MARK1: variants seen among roughly 807,000 people sequenced by gnomAD.
The protein encoded by MARK1 is serine/threonine-protein kinase MARK1.
MARK1 carries 40 observed loss-of-function variants against 96.3 expected under a neutral mutation model. That is an observed-to-expected ratio of 0.42 (90% CI 0.32 to 0.54). The LOEUF is 0.54. Among genes scored for constraint, MARK1 ranks in the 20% least tolerant of loss-of-function variants. The pLI, the probability that MARK1 is intolerant of heterozygous loss-of-function variation, is 0.16. For synonymous variants in MARK1, 317 were observed against 341.2 expected, an observed-to-expected ratio of 0.93 and a Z score of 0.78; for missense variants, 719 against 984.6, an observed-to-expected ratio of 0.73 and a Z score of 3.61.
At chr1:220,546,689 T>C (rs12408540) in intron 1 of MARK1, among the ~76,000 whole-genome samples, 38,935 of 152,158 alleles carry the variant, frequency 0.26, 5,743 homozygotes, top group East Asian at 0.46. Context: ...AAGCAACTAA[T>C]TGGCTGGGTG....
chr1:220,627,417 A>G, intron 9 of MARK1: 1 of 478,770 alleles, frequency 2.1e-6, no homozygotes, highest in Non-Finnish European at 4.3e-6. Context: ...CCAGAAGCCA[A>G]AGGGGTCAAG....
chr1:220,649,983 C>A (rs1211933827), intron 13 of MARK1, among the ~76,000 whole-genome samples: 1 of 152,124 alleles, frequency 6.6e-6, no homozygotes, highest in African/African-American at 2.4e-5. Context: ...ACCTGCCTAT[C>A]CCTTTTTGCT....
chr1:220,547,725 C>G (rs181688839), intron 1 of MARK1, among the ~76,000 whole-genome samples: 4 of 152,148 alleles, frequency 2.6e-5, no homozygotes, highest in African/African-American at 9.7e-5. Context: ...CCACCACACC[C>G]GGCTACATTT....
intron 2 of MARK1, among the ~76,000 whole-genome samples, chr1:220,580,202 G>T (rs894996173): frequency 1.3e-5 from 2 of 151,700 alleles, no homozygotes; most frequent in Non-Finnish European, 2.9e-5. Context: ...TCTCAATCAG[G>T]CCCAATGCAG....
intron 3 of MARK1, among the ~76,000 whole-genome samples, chr1:220,589,523 C>T (rs777569627): frequency 2.2e-4 from 33 of 152,288 alleles, no homozygotes; most frequent in Non-Finnish European, 4.4e-4. Flanking sequence ...TTGTTTACTA[C>T]TTTAGTTATC....
intron 13 of MARK1, among the ~76,000 whole-genome samples, chr1:220,649,919 G>T (rs963516289): frequency 1.5e-4 from 23 of 152,142 alleles, no homozygotes; most frequent in African/African-American, 5.5e-4. Flanking sequence ...CAAGGATTTG[G>T]CAGGCACAAC....
chr1:220,612,976 A>G (rs898952733), intron 6 of MARK1, among the ~76,000 whole-genome samples: 1 of 152,196 alleles, frequency 6.6e-6, no homozygotes, highest in Non-Finnish European at 1.5e-5. Flanking sequence ...TCTACCACTT[A>G]TAAGTATTAA....
chr1:220,531,183 A>G, intron 1 of MARK1, among the ~76,000 whole-genome samples: 1 of 152,188 alleles, frequency 6.6e-6, no homozygotes, highest in East Asian at 1.9e-4. Flanking sequence ...AGTAAATGGC[A>G]TCATCCATTT....
At position 220,626,625 on chromosome 1, in the gene MARK1, C is replaced by T. The variant is rs1384799228; in HGVS notation, c.910-4410C>T. 3 of 358,502 alleles carry T rather than the reference C, an allele frequency of 8.4e-6. No individual in the cohort carries two copies. The East Asian group carries it at 2.1e-4, about 25-fold the overall frequency. 22.2% of individuals were successfully genotyped at this position (358,502 alleles called of 1,614,324 possible). On this transcript the variant is annotated intron_variant, in intron 9 of 17. Coordinates refer to ENST00000366917, the MANE Select transcript of MARK1 (RefSeq NM_018650.5). ...TCACTTGAGGTCAGAAGTTTGACAC[C>T]AGCCTGGCCAACATGGTGAAACCCC...
intron 4 of MARK1, among the ~76,000 whole-genome samples, chr1:220,599,570 AAACTT>A (rs1462128092): frequency 6.6e-6 from 1 of 152,068 alleles, no homozygotes; most frequent in African/African-American, 2.4e-5. Flanking sequence ...TTAATCCTAG[AAACTT>A]AACTTTTTCA....
chr1:220,550,568 G>A (rs1661791700), intron 1 of MARK1, among the ~76,000 whole-genome samples: 1 of 152,174 alleles, frequency 6.6e-6, no homozygotes, highest in African/African-American at 2.4e-5. Context: ...CCCCAGGCTG[G>A]TATCAAACTC....
At chr1:220,635,035 G>T (rs1171322802) in intron 11 of MARK1, among the ~76,000 whole-genome samples, 1 of 152,118 alleles carries the variant, frequency 6.6e-6, no homozygotes, top group East Asian at 1.9e-4. Context: ...TTGTTGTGAT[G>T]ATTAAATAAA....
chr1:220,533,953 C>G (rs1036717309), intron 1 of MARK1, among the ~76,000 whole-genome samples: 1 of 151,844 alleles, frequency 6.6e-6, no homozygotes, highest in African/African-American at 2.4e-5. Context: ...CTATAGTTAC[C>G]ATATATGTTT....
intron 1 of MARK1, among the ~76,000 whole-genome samples, chr1:220,547,276 G>C (rs1414688117): frequency 6.6e-6 from 1 of 152,162 alleles, no homozygotes; most frequent in Non-Finnish European, 1.5e-5. Context: ...GTATTTACTA[G>C]TAGCCACTGT....
intron 1 of MARK1, among the ~76,000 whole-genome samples, chr1:220,556,898 T>A (rs1375848276): frequency 6.6e-6 from 1 of 152,082 alleles, no homozygotes; most frequent in Non-Finnish European, 1.5e-5. Context: ...AAAGACTGGT[T>A]AATAAATATG....
intron 1 of MARK1, among the ~76,000 whole-genome samples, chr1:220,566,278 A>G (rs1663052216): frequency 6.6e-6 from 1 of 152,180 alleles, no homozygotes; most frequent in Non-Finnish European, 1.5e-5. Flanking sequence ...AGTAGAAGCT[A>G]GGACAAAATG....
chr1:220,589,323 A>G (rs1664838099), intron 3 of MARK1, among the ~76,000 whole-genome samples: 1 of 152,180 alleles, frequency 6.6e-6, no homozygotes, highest in Non-Finnish European at 1.5e-5. Flanking sequence ...CTTTTTCATC[A>G]TCACAAAAAG....
Position 220,635,988 on chromosome 1 carries a change from G to T in MARK1, c.1432G>T (p.Val478Leu), listed in dbSNP as rs761372469. Residue 478 changes from valine to leucine, a missense_variant, in exon 13 of 18, where the codon GTA (valine) becomes TTA (leucine). Val to Leu is a conservative substitution (Grantham distance 32). Coordinates refer to ENST00000366917, the MANE Select transcript of MARK1 (RefSeq NM_018650.5). ...AAGCGAGATGACTGCAAGCCCTCTT[G>T]TAGGGCCAGAGAGGAAAAAATCTTC... ...SKSEMTASPL[V>L]GPERKKSSTI... 6.2e-7 allele frequency: 1 copy of T among 1,613,444 alleles called. No homozygotes were observed. Among genetic ancestry groups the T allele is most frequent in the Non-Finnish European group, 8.5e-7 (1 of 1,179,846 alleles).
intron 3 of MARK1, among the ~76,000 whole-genome samples, chr1:220,590,913 C>T (rs907612769): frequency 9.2e-5 from 14 of 152,060 alleles, no homozygotes; most frequent in African/African-American, 3.4e-4. Context: ...ATATAGGAAC[C>T]CAATGGCTGT....
Sources: allele counts gnomAD v4.1 joint callset (sites outside exome capture counted in the v4.1 genomes callset), GRCh38; gene constraint gnomAD v4.1.1; transcripts MANE v1.5; gene names NCBI Gene and HGNC (gene_info 2026-07-23, HGNC 2026-07-21).